RBFOX3: variants seen among roughly 807,000 people sequenced by gnomAD.
RBFOX3 encodes RNA binding fox-1 homolog 3.
In RBFOX3, 17 loss-of-function variants were observed where a neutral mutation model predicts 48.7. The observed-to-expected ratio is 0.35, with a 90% CI of 0.24 to 0.52. The LOEUF (loss-of-function observed/expected upper bound fraction) is 0.52, where lower values mean the gene tolerates loss of function less well. RBFOX3 is among the 20% of genes least tolerant of loss of function. The pLI is 0.94. For synonymous variants in RBFOX3, 212 were observed against 209.5 expected (o/e 1.01, Z -0.10); for missense variants, 382 against 497.5 (o/e 0.77, Z 2.21).
In RBFOX3 at chr17:79,473,402, C is replaced by T. The variant is rs1479480326; in HGVS notation, c.-175+9052G>A. Among the ~76,000 whole-genome samples the T allele has an allele frequency of 2.6e-5, 4 of 152,300 alleles. No individual in the cohort carries two copies. The highest frequency in any genetic ancestry group is 4.1e-4 in the South Asian group (2 of 4,830). On this transcript the variant is annotated intron_variant, in intron 2 of 14. Coordinates refer to ENST00000693108, the MANE Select transcript of RBFOX3 (RefSeq NM_001350451.2). This position sits in a 1 kb window ranked among gnomAD's most constrained non-coding sequence, Gnocchi z 4.2. Reference sequence around the variant, plus strand: ...GAGTTGGAACTGTTGTGAGGATTCACGATGATTCATATATATTTTGGGACG... The same window carrying T: ...GAGTTGGAACTGTTGTGAGGATTCATGATGATTCATATATATTTTGGGACG...
intron 1 of RBFOX3, among the ~76,000 whole-genome samples, chr17:79,531,902 C>G (rs1463230397): frequency 2.0e-5 from 3 of 152,220 alleles, no homozygotes; most frequent in Non-Finnish European, 4.4e-5. Flanking sequence ...CCGCTGACCA[C>G]CCGCTCCGCA....
intron 4 of RBFOX3, among the ~76,000 whole-genome samples, chr17:79,158,246 T>C (rs992478680): frequency 1.3e-5 from 2 of 152,212 alleles, no homozygotes; most frequent in Non-Finnish European, 2.9e-5. Flanking sequence ...CCTTCAGAAC[T>C]GCGCGAGGAG....
chr17:79,219,118 T>C (rs2059410150), intron 4 of RBFOX3, among the ~76,000 whole-genome samples: 1 of 152,146 alleles, frequency 6.6e-6, no homozygotes, highest in South Asian at 2.1e-4. Flanking sequence ...CTTGAGCCCT[T>C]CTCCTGGTGA....
chr17:79,109,331 G>A (rs944218646), intron 5 of RBFOX3, among the ~76,000 whole-genome samples: 2 of 152,204 alleles, frequency 1.3e-5, no homozygotes, highest in Non-Finnish European at 2.9e-5. Context: ...GTGGATGACA[G>A]GCCTCCGGAG....
chr17:79,092,319 G>C, intron 14 of RBFOX3: 1 of 985,506 alleles, frequency 1.0e-6, no homozygotes. Flanking sequence ...CAATGGCTTG[G>C]GTAGTACAAC....
intron 2 of RBFOX3, among the ~76,000 whole-genome samples, chr17:79,470,458 A>C (rs2076924705): frequency 6.6e-6 from 1 of 152,130 alleles, no homozygotes; most frequent in Non-Finnish European, 1.5e-5. Flanking sequence ...CCACATTATA[A>C]GCAGAGTCTC....
At chr17:79,580,540 G>T (rs1018034749) in intron 1 of RBFOX3, among the ~76,000 whole-genome samples, 2,158 of 152,258 alleles carry the variant, frequency 0.014, 54 homozygotes, top group African/African-American at 0.049. Context: ...ATTGCCAGAG[G>T]CTGAGAGACG....
At chr17:79,568,283 A>G (rs997636018) in intron 1 of RBFOX3, among the ~76,000 whole-genome samples, 2 of 152,178 alleles carry the variant, frequency 1.3e-5, no homozygotes, top group Non-Finnish European at 2.9e-5. Flanking sequence ...GAGAACAGAG[A>G]ACCGATTCCT....
intron 4 of RBFOX3, among the ~76,000 whole-genome samples, chr17:79,174,364 C>T (rs199541229): frequency 0.11 from 16,801 of 151,820 alleles, 1,031 homozygotes; most frequent in Non-Finnish European, 0.15. Context: ...TGCACACAGA[C>T]ACATGCGCAC....
chr17:79,093,009 G>A (rs574304591), intron 14 of RBFOX3, among the ~76,000 whole-genome samples: 231 of 152,358 alleles, frequency 1.5e-3, no homozygotes, highest in African/African-American at 5.2e-3. Context: ...AGGGTGGCAC[G>A]GGGCATCTTC....
At chr17:79,334,548 C>T (rs534798977) in intron 2 of RBFOX3, among the ~76,000 whole-genome samples, 1 of 152,292 alleles carries the variant, frequency 6.6e-6, no homozygotes, top group South Asian at 2.1e-4. Flanking sequence ...CCCTTCGGGG[C>T]CCCTAGGAAA....
chr17:79,152,416 G>A (rs140091600), intron 4 of RBFOX3, among the ~76,000 whole-genome samples: 1,716 of 152,000 alleles, frequency 0.011, 14 homozygotes, highest in Middle Eastern at 0.037. Flanking sequence ...AGTGCGGGCC[G>A]CAGCCGAGGC....
At chr17:79,139,085 C>A in intron 4 of RBFOX3, among the ~76,000 whole-genome samples, 1 of 149,550 alleles carries the variant, frequency 6.7e-6, no homozygotes. Context: ...CACATGCACA[C>A]AAGCACATGT....
intron 1 of RBFOX3, among the ~76,000 whole-genome samples, chr17:79,507,174 G>A (rs895230111): frequency 6.6e-5 from 10 of 152,240 alleles, no homozygotes; most frequent in South Asian, 2.1e-4. Context: ...CAGACCAAGC[G>A]GTGCTCCATC....
the RBFOX3 span, among the ~76,000 whole-genome samples, chr17:79,628,821 T>C: frequency 0.39 from 59,193 of 152,096 alleles, 12,211 homozygotes; most frequent in African/African-American, 0.51. Flanking sequence ...GCAACTTTCT[T>C]CTATTATTCT....
chr17:79,545,239 C>T (rs929588219), intron 1 of RBFOX3, among the ~76,000 whole-genome samples: 2 of 152,200 alleles, frequency 1.3e-5, no homozygotes, highest in South Asian at 2.1e-4. Context: ...CTGGGAAGGG[C>T]GTCGAGGGTC....
upstream of RBFOX3, among the ~76,000 whole-genome samples, chr17:79,613,098 C>T (rs961159812): frequency 1.1e-4 from 16 of 152,196 alleles, no homozygotes; most frequent in Admixed American, 8.5e-4. Flanking sequence ...GCTGTGTGCC[C>T]GAGTGGAAGA....
At chr17:79,448,200 C>T (rs1598739936) in intron 2 of RBFOX3, among the ~76,000 whole-genome samples, 2 of 152,082 alleles carry the variant, frequency 1.3e-5, no homozygotes, top group East Asian at 3.9e-4. Context: ...TCAGGAGCCC[C>T]CAGAAGAGGG....
At chr17:79,323,644 C>T (rs886559929) in intron 2 of RBFOX3, among the ~76,000 whole-genome samples, 3 of 152,230 alleles carry the variant, frequency 2.0e-5, no homozygotes, top group African/African-American at 7.2e-5. Flanking sequence ...GGGGCTCGGT[C>T]CTGACCTTTG....
Sources: gnomAD v4.1 joint callset for allele counts (sites outside exome capture counted in the v4.1 genomes callset) on GRCh38, gnomAD v4.1.1 for gene constraint, Gnocchi (gnomAD v3.1) non-coding constraint, MANE v1.5 for transcripts, NCBI Gene and HGNC (gene_info 2026-07-23, HGNC 2026-07-21) for gene names.